The following MARCHF1 variants were observed in gnomAD, a reference collection of about 807,000 sequenced individuals.
MARCHF1 encodes E3 ubiquitin-protein ligase MARCHF1.
Under a neutral mutation model 54.2 loss-of-function variants are expected in MARCHF1, and 40 were observed. The ratio of observed to expected loss-of-function variants is 0.74; its 90% CI spans 0.57 to 0.96. MARCHF1 has a LOEUF of 0.96. Among genes scored for constraint, MARCHF1 ranks in the 40% least tolerant of loss-of-function variants. The pLI, the probability that MARCHF1 is intolerant of heterozygous loss-of-function variation, is 0.00. For synonymous variants in MARCHF1, 236 were observed against 236.3 expected (o/e 1.00, Z 0.01); for missense variants, 586 against 656.5 (o/e 0.89, Z 1.17).
chr4:163,737,972 C>T lies in MARCHF1; in HGVS notation c.112-37109G>A, dbSNP rs903292626. On this transcript the variant is annotated intron_variant, in intron 4 of 9. Coordinates refer to ENST00000514618, the MANE Select transcript of MARCHF1 (RefSeq NM_001394959.1). ...GACACATGCACACGTATGTTTATTG[C>T]GGCACTATTCGCAGCTTTTTTCAAT... Among the ~76,000 whole-genome samples the T allele has an allele frequency of 3.1e-4, 24 of 76,330 alleles. 3 individuals are homozygous for T. The highest frequency in any genetic ancestry group is 2.2e-3 in the Admixed American group (17 of 7,800). 50.1% of individuals were successfully genotyped at this position (76,330 alleles called of 152,430 possible). A position where few individuals can be genotyped will look rare whatever the true frequency, so the allele number is the denominator to read the frequency against.
chr4:163,904,609 T>G (rs545510217), intron 3 of MARCHF1, among the ~76,000 whole-genome samples: 66 of 152,268 alleles, frequency 4.3e-4, no homozygotes, highest in Non-Finnish European at 8.1e-4. Context: ...CTTGGCACAG[T>G]AGATATTAGG....
intron 3 of MARCHF1, among the ~76,000 whole-genome samples, chr4:163,884,736 T>G (rs937599670): frequency 6.6e-6 from 1 of 152,148 alleles, no homozygotes; most frequent in East Asian, 1.9e-4. Flanking sequence ...GGTTTCAAGC[T>G]TAAATAACAA....
intron 1 of MARCHF1, among the ~76,000 whole-genome samples, chr4:164,291,816 G>C (rs1436346369): frequency 1.3e-5 from 2 of 152,000 alleles, no homozygotes; most frequent in Admixed American, 1.3e-4. Context: ...ATATGGAGTT[G>C]GTTGTTGTTG....
chr4:164,352,191 G>T (rs1730362953), intron 1 of MARCHF1, among the ~76,000 whole-genome samples: 1 of 122,886 alleles, frequency 8.1e-6, no homozygotes, highest in Non-Finnish European at 1.8e-5. Context: ...CACTCTGCAG[G>T]ATATTATCCA....
At chr4:164,121,357 G>C (rs1259030183) in intron 1 of MARCHF1, among the ~76,000 whole-genome samples, 1 of 152,120 alleles carries the variant, frequency 6.6e-6, no homozygotes, top group Non-Finnish European at 1.5e-5. Flanking sequence ...ATAAAGGAAA[G>C]AGGTTTAATT....
At chr4:163,538,564 A>G (rs1277256445) in intron 9 of MARCHF1, among the ~76,000 whole-genome samples, 1 of 152,162 alleles carries the variant, frequency 6.6e-6, no homozygotes, top group African/African-American at 2.4e-5. Context: ...CTTCTGGTTA[A>G]TTTCTTTACA....
chr4:164,022,544 A>T (rs948253297), intron 2 of MARCHF1, among the ~76,000 whole-genome samples: 9 of 152,154 alleles, frequency 5.9e-5, no homozygotes, highest in African/African-American at 1.9e-4. Flanking sequence ...CTTGCCACAG[A>T]CCTCTGGGAT....
At chr4:163,546,790 C>T (rs751036435) in intron 8 of MARCHF1, among the ~76,000 whole-genome samples, 4 of 152,096 alleles carry the variant, frequency 2.6e-5, no homozygotes, top group Non-Finnish European at 4.4e-5. Flanking sequence ...GGAAGAAGGC[C>T]GCAAGTTTTA....
chr4:164,150,489 CAA>C (rs1729904325), intron 1 of MARCHF1, among the ~76,000 whole-genome samples: 1 of 152,122 alleles, frequency 6.6e-6, no homozygotes. Context: ...AAAAAAGCAG[CAA>C]AGTCTAATTG....
intron 1 of MARCHF1, among the ~76,000 whole-genome samples, chr4:164,309,926 G>T (rs1193297295): frequency 2.0e-5 from 3 of 151,668 alleles, no homozygotes; most frequent in Admixed American, 6.6e-5. Flanking sequence ...TATCAAGAAT[G>T]ATGTGTGAAA....
intron 1 of MARCHF1, among the ~76,000 whole-genome samples, chr4:164,144,322 T>C (rs1180709355): frequency 1.3e-5 from 2 of 151,814 alleles, no homozygotes; most frequent in Non-Finnish European, 2.9e-5. Context: ...CAAGGGGACC[T>C]AATAGACATC....
chr4:163,818,110 A>AT (rs1168242726), intron 4 of MARCHF1, among the ~76,000 whole-genome samples: 2 of 152,008 alleles, frequency 1.3e-5, no homozygotes, highest in East Asian at 1.9e-4. Flanking sequence ...TTAAAGTATA[A>AT]TAAAAAAAAG....
intron 2 of MARCHF1, among the ~76,000 whole-genome samples, chr4:164,075,590 G>A (rs565411068): frequency 1.8e-4 from 27 of 152,272 alleles, no homozygotes; most frequent in African/African-American, 5.1e-4. Context: ...TTAAAGTACT[G>A]TGGTCGTTTG....
Position 163,736,419 on chromosome 4 carries a change from C to T in MARCHF1, c.112-35556G>A, listed in dbSNP as rs549970961. ...AGGACATTGAGATTTCATGTCGCTA[C>T]TCAAAACTGTATGCAATTTAAAACT... On this transcript the variant is annotated intron_variant, in intron 4 of 9. Transcript: ENST00000514618. Among the ~76,000 whole-genome samples, 316 of 152,050 alleles carry T rather than the reference C, an allele frequency of 2.1e-3. 1 individual carries two copies. The highest frequency in any genetic ancestry group is 7.3e-3 in the African/African-American group (303 of 41,490).
chr4:163,981,871 C>A (rs558422529), intron 3 of MARCHF1, among the ~76,000 whole-genome samples: 22 of 152,294 alleles, frequency 1.4e-4, no homozygotes, highest in African/African-American at 5.3e-4. Flanking sequence ...CTCATTAAAT[C>A]AGTAAAAATT....
intron 1 of MARCHF1, among the ~76,000 whole-genome samples, chr4:164,287,260 G>A (rs1474591884): frequency 6.6e-6 from 1 of 151,692 alleles, no homozygotes. Context: ...GGTTTTCATG[G>A]GAGTGGAAAA....
At chr4:163,954,131 T>C (rs964296365) in intron 3 of MARCHF1, among the ~76,000 whole-genome samples, 1 of 152,168 alleles carries the variant, frequency 6.6e-6, no homozygotes, top group Non-Finnish European at 1.5e-5. Context: ...GTAAAAGACA[T>C]AGGTCCTGTG....
At chr4:164,164,763 AG>A (rs1730327761) in intron 1 of MARCHF1, among the ~76,000 whole-genome samples, 2 of 152,066 alleles carry the variant, frequency 1.3e-5, no homozygotes, top group Non-Finnish European at 2.9e-5. Flanking sequence ...TATGAACATG[AG>A]TTTGAATAAC....
At chr4:164,086,580 C>G (rs980335390) in intron 2 of MARCHF1, among the ~76,000 whole-genome samples, 4 of 151,916 alleles carry the variant, frequency 2.6e-5, no homozygotes, top group African/African-American at 9.7e-5. Flanking sequence ...ATATTAAGGA[C>G]TCAAATGTTC....
Sources: allele counts gnomAD v4.1 joint callset (sites outside exome capture counted in the v4.1 genomes callset), GRCh38; gene constraint gnomAD v4.1.1; transcripts MANE v1.5; gene names NCBI Gene and HGNC (gene_info 2026-07-23, HGNC 2026-07-21).